NXPH1: variants seen among roughly 807,000 people sequenced by gnomAD.
NXPH1 encodes the protein neurexophilin-1.
NXPH1 carries 5 observed loss-of-function variants against 23.7 expected under a neutral mutation model. The ratio of observed to expected loss-of-function variants is 0.21; its 90% confidence interval spans 0.11 to 0.44. The LOEUF is 0.44. Among genes scored for constraint, NXPH1 ranks in the 20% least tolerant of loss-of-function variants. NXPH1 has a pLI of 0.99. For synonymous variants in NXPH1, 144 were observed against 122.2 expected, an observed-to-expected ratio of 1.18 and a Z score of -1.18; for missense variants, 324 against 321.6, an observed-to-expected ratio of 1.01 and a Z score of -0.06.
intron 2 of NXPH1, among the ~76,000 whole-genome samples, chr7:8,588,267 C>A (rs946344413): frequency 6.6e-6 from 1 of 152,070 alleles, no homozygotes; most frequent in Non-Finnish European, 1.5e-5. Context: ...CAAAGGGTTA[C>A]AAATCATTCT....
intron 2 of NXPH1, among the ~76,000 whole-genome samples, chr7:8,540,585 A>G (rs1818099258): frequency 1.3e-5 from 2 of 151,754 alleles, no homozygotes; most frequent in African/African-American, 4.8e-5. Context: ...GGCGGTTAGG[A>G]TTCACATACA....
intron 2 of NXPH1, among the ~76,000 whole-genome samples, chr7:8,666,865 G>T (rs1251344996): frequency 2.6e-5 from 4 of 151,832 alleles, no homozygotes; most frequent in African/African-American, 9.7e-5. Flanking sequence ...TGTGGTATTA[G>T]TTGTAATGTC....
intron 2 of NXPH1, among the ~76,000 whole-genome samples, chr7:8,531,193 C>T (rs547023595): frequency 6.6e-6 from 1 of 152,278 alleles, no homozygotes; most frequent in East Asian, 1.9e-4. Flanking sequence ...CAGTGTTTCA[C>T]TTAGTAAATC....
chr7:8,658,651 C>T (rs1820618798), intron 2 of NXPH1, among the ~76,000 whole-genome samples: 2 of 152,126 alleles, frequency 1.3e-5, no homozygotes, highest in Non-Finnish European at 2.9e-5. Flanking sequence ...TATAATCATT[C>T]CTGGTTCCCA....
chr7:8,512,038 G>A (rs1817620880), intron 2 of NXPH1, among the ~76,000 whole-genome samples: 1 of 152,118 alleles, frequency 6.6e-6, no homozygotes, highest in African/African-American at 2.4e-5. Flanking sequence ...AGCTCAAGAT[G>A]CATAATCCTG....
chr7:8,485,170 A>G (rs1438351199), intron 2 of NXPH1, among the ~76,000 whole-genome samples: 2 of 152,150 alleles, frequency 1.3e-5, no homozygotes, highest in Non-Finnish European at 2.9e-5. Flanking sequence ...TCTTTGTGAT[A>G]GTGAATGAGT....
At chr7:8,550,362 A>G (rs1818259109) in intron 2 of NXPH1, among the ~76,000 whole-genome samples, 1 of 151,612 alleles carries the variant, frequency 6.6e-6, no homozygotes, top group South Asian at 2.1e-4. Flanking sequence ...AACTCAAAAC[A>G]AAATGGATAA....
chr7:8,565,866 C>A (rs1818536552), intron 2 of NXPH1, among the ~76,000 whole-genome samples: 1 of 151,752 alleles, frequency 6.6e-6, no homozygotes, highest in Non-Finnish European at 1.5e-5. Flanking sequence ...AATTCAATAA[C>A]AAAGTTGTTA....
chr7:8,685,144 C>T (rs948438845), intron 2 of NXPH1, among the ~76,000 whole-genome samples: 1 of 152,036 alleles, frequency 6.6e-6, no homozygotes, highest in Non-Finnish European at 1.5e-5. Context: ...ATATGATGCT[C>T]CTTTAAATTA....
At chr7:8,587,624 A>G (rs1432050371) in intron 2 of NXPH1, among the ~76,000 whole-genome samples, 1 of 152,008 alleles carries the variant, frequency 6.6e-6, no homozygotes, top group East Asian at 1.9e-4. Flanking sequence ...TCCTAATGAT[A>G]TCCCTCCCCT....
chr7:8,451,715 A>G (rs1816509440), intron 2 of NXPH1, among the ~76,000 whole-genome samples: 1 of 152,162 alleles, frequency 6.6e-6, no homozygotes. Flanking sequence ...ATCAAAAACA[A>G]CCCTCCTCTT....
chr7:8,719,896 A>G (rs1359299931), intron 2 of NXPH1, among the ~76,000 whole-genome samples: 1 of 152,228 alleles, frequency 6.6e-6, no homozygotes, highest in African/African-American at 2.4e-5. Context: ...GTACATTCTA[A>G]TTCTCAAAAT....
intron 2 of NXPH1, among the ~76,000 whole-genome samples, chr7:8,648,944 G>A (rs1820440836): frequency 6.6e-6 from 1 of 151,520 alleles, no homozygotes; most frequent in South Asian, 2.1e-4. Flanking sequence ...TATTATTAGT[G>A]AGATGACTCT....
At chr7:8,558,118 T>C (rs1818389434) in intron 2 of NXPH1, among the ~76,000 whole-genome samples, 1 of 151,748 alleles carries the variant, frequency 6.6e-6, no homozygotes, top group African/African-American at 2.4e-5. Flanking sequence ...TTCTATGAAA[T>C]TTATGTATGA....
At chr7:8,729,771 A>G (rs1209307408) in intron 2 of NXPH1, among the ~76,000 whole-genome samples, 9 of 152,036 alleles carry the variant, frequency 5.9e-5, no homozygotes, top group Admixed American at 6.5e-5. Context: ...TATGTGGTCA[A>G]TTTTGGAATA....
At chr7:8,518,089 TTATGACAG>T in intron 2 of NXPH1, among the ~76,000 whole-genome samples, 1 of 152,276 alleles carries the variant, frequency 6.6e-6, no homozygotes, top group Middle Eastern at 3.4e-3. Context: ...TTCATCTAAA[TTATGACAG>T]TACTTTGTAC....
At chr7:8,502,640 A>G (rs892471078) in intron 2 of NXPH1, among the ~76,000 whole-genome samples, 1 of 151,830 alleles carries the variant, frequency 6.6e-6, no homozygotes, top group African/African-American at 2.4e-5. Flanking sequence ...AGTAGCAAGT[A>G]TAGGAGCACT....
intron 2 of NXPH1, among the ~76,000 whole-genome samples, chr7:8,455,365 G>A (rs919956169): frequency 1.3e-5 from 2 of 152,124 alleles, no homozygotes; most frequent in African/African-American, 2.4e-5. Context: ...GAAAATTGAT[G>A]TGCAGTGTAT....
chr7:8,484,266 A>G lies in NXPH1; in HGVS notation c.54+48499A>G, dbSNP rs78061365. Among the ~76,000 whole-genome samples, 1,442 of 152,144 alleles carry G rather than the reference A, an allele frequency of 9.5e-3. 10 individuals are homozygous for G. The highest frequency in any genetic ancestry group is 0.031 in the Middle Eastern group (9 of 294). On this transcript the variant is annotated intron_variant, in intron 2 of 2. Coordinates refer to ENST00000405863, the MANE Select transcript of NXPH1 (RefSeq NM_152745.3). ...ACAGAAACCTCATATTTTGGGCCTTACATATCAAGAATTTGTTAGGTTTCT... is the reference window on the plus strand; with the variant it reads ...ACAGAAACCTCATATTTTGGGCCTTGCATATCAAGAATTTGTTAGGTTTCT...
Sources: allele counts gnomAD v4.1 joint callset (sites outside exome capture counted in the v4.1 genomes callset), GRCh38; gene constraint gnomAD v4.1.1; transcripts MANE v1.5; gene names NCBI Gene and HGNC (gene_info 2026-07-23, HGNC 2026-07-21).